EPS8: variants seen among roughly 807,000 people sequenced by gnomAD.
EPS8 encodes the protein EGFR pathway substrate 8, signaling adaptor.
Under a neutral mutation model 103.8 loss-of-function variants are expected in EPS8, and 42 were observed. That is an observed-to-expected ratio of 0.40 (90% CI 0.32 to 0.52). The LOEUF (loss-of-function observed/expected upper bound fraction) is 0.52, where lower values mean the gene tolerates loss of function less well. EPS8 is among the 20% of genes least tolerant of loss of function. EPS8 has a pLI of 0.40. For missense variants in EPS8, 969 were observed against 1,005.1 expected (o/e 0.96, Z 0.49); for synonymous variants, 344 against 344.6 (o/e 1.00, Z 0.02).
chr12:15,768,812 A>G (rs1175013875), intron 1 of EPS8, among the ~76,000 whole-genome samples: 3 of 152,206 alleles, frequency 2.0e-5, no homozygotes, highest in South Asian at 4.1e-4. Context: ...ACATGATACA[A>G]TACTAAGAAA....
At chr12:15,664,700 C>T (rs1334693504) in intron 8 of EPS8, among the ~76,000 whole-genome samples, 1 of 152,000 alleles carries the variant, frequency 6.6e-6, no homozygotes, top group Admixed American at 6.6e-5. Flanking sequence ...TGCCAGATAC[C>T]CTGTGTGAAT....
chr12:15,686,523 C>A (rs1001331013), intron 1 of EPS8, among the ~76,000 whole-genome samples: 4 of 151,886 alleles, frequency 2.6e-5, no homozygotes, highest in Admixed American at 6.6e-5. Flanking sequence ...AAATAAAATT[C>A]TTTGGCAATT....
At position 15,691,099 on chromosome 12, in the gene EPS8, A is replaced by G. The variant is rs1255971259; in HGVS notation, c.-21-8127T>C. ...TTCCTTGAAGCTTCACTGCTTATAA[A>G]GAAATTTTAGGGGAAAGAAAAAGCA... On this transcript the variant is annotated intron_variant, in intron 1 of 20. Transcript: ENST00000281172. Among the ~76,000 whole-genome samples the G allele has an allele frequency of 2.0e-5, 3 of 151,944 alleles. No individual in the cohort carries two copies. The East Asian group carries it at 5.8e-4, about 29-fold the overall frequency.
rs147047023 is a variant in EPS8 at position 15,733,064 on chromosome 12, C to T, written c.-21-50092G>A. The stretch of plus-strand genomic sequence containing the variant: ...GATGATTTTACTAGCAGCTGACCAG[C>T]ATTCCTCTCCCAAAACAGATACTGG... On this transcript the variant is annotated intron_variant, in intron 1 of 20. Transcript: ENST00000281172. The surrounding 1 kb of genome is among the most constrained non-coding windows in gnomAD (Gnocchi z 4.8). Among the ~76,000 whole-genome samples the T allele has an allele frequency of 1.3e-5, 2 of 152,300 alleles. No individual in the cohort carries two copies. The highest frequency in any genetic ancestry group is 4.8e-5 in the African/African-American group (2 of 41,556).
Position 15,647,253 on chromosome 12 carries a change from C to T in EPS8, c.1442G>A (p.Ser481Asn). 3 of 1,611,500 alleles carry T rather than the reference C, an allele frequency of 1.9e-6. No homozygotes were observed. The highest frequency in any genetic ancestry group is 1.1e-5 in the South Asian group (1 of 90,576). ...EIKRLSTEHS[S>N]VSEYHPADGY... ...ATCGGCTGGATGATACTCTGATACA[C>T]TGGAATGCTGAAAGACAAAGTGGGG... Residue 481 changes from serine (S) to asparagine (N), a missense_variant, in exon 15 of 21, where the codon AGT (serine) becomes AAT (asparagine). By Grantham distance (46) the Ser-to-Asn change is conservative (BLOSUM62 1). Coordinates refer to ENST00000281172, the MANE Select transcript of EPS8 (RefSeq NM_004447.6).
At position 15,716,335 on chromosome 12, in the gene EPS8, T is replaced by C. The variant is rs1404541005; in HGVS notation, c.-21-33363A>G. Among the ~76,000 whole-genome samples, 1 of 152,194 alleles carries C rather than the reference T, an allele frequency of 6.6e-6. No individual in the cohort carries two copies. The highest frequency in any genetic ancestry group is 2.4e-5 in the African/African-American group (1 of 41,454). ...CTCCTGAATTATCTATCAGTAAAGA[T>C]GATAATGAAGTCTTATGAAAGGCTA... On this transcript the variant is annotated intron_variant, in intron 1 of 20. Coordinates refer to ENST00000281172, the MANE Select transcript of EPS8 (RefSeq NM_004447.6). The surrounding 1 kb of genome is among the most constrained non-coding windows in gnomAD (Gnocchi z 5.0).
chr12:15,721,188 C>T lies in EPS8; in HGVS notation c.-21-38216G>A, dbSNP rs1946590913. ...AGAGTGAAAAGAAAGCAAGAAAATA[C>T]TATAACACAAATACCACAACAGAGT... On this transcript the variant is annotated intron_variant, in intron 1 of 20. Coordinates refer to ENST00000281172, the MANE Select transcript of EPS8 (RefSeq NM_004447.6). This position sits in a 1 kb window ranked among gnomAD's most constrained non-coding sequence, Gnocchi z 4.4. Among the ~76,000 whole-genome samples, 1 of 152,162 alleles carries T rather than the reference C, an allele frequency of 6.6e-6. No individual in the cohort carries two copies. The highest frequency in any genetic ancestry group is 2.4e-5 in the African/African-American group (1 of 41,428).
chr12:15,754,427 GA>G (rs1946964490), intron 1 of EPS8, among the ~76,000 whole-genome samples: 2 of 152,010 alleles, frequency 1.3e-5, no homozygotes, highest in South Asian at 4.2e-4. Flanking sequence ...AATACAGGGG[GA>G]AAAACAAGAA....
intron 8 of EPS8, among the ~76,000 whole-genome samples, chr12:15,663,032 C>G (rs1031950343): frequency 6.6e-6 from 1 of 150,706 alleles, no homozygotes; most frequent in East Asian, 1.9e-4. Flanking sequence ...AAGAAATCAT[C>G]GTGTCTTATG....
At chr12:15,640,607 C>T in intron 17 of EPS8, 96 bp downstream of exon 17, 1 of 1,120,562 alleles carries the variant, frequency 8.9e-7, no homozygotes, top group South Asian at 1.9e-5. Flanking sequence ...AACTACATCT[C>T]AAAATGATCA....
At chr12:15,765,374 A>G (rs1413877045) in intron 1 of EPS8, among the ~76,000 whole-genome samples, 1 of 152,188 alleles carries the variant, frequency 6.6e-6, no homozygotes, top group Non-Finnish European at 1.5e-5. Flanking sequence ...ACCCATATCA[A>G]CTGGTGACTT....
chr12:15,653,278 C>T (rs1945446363), intron 13 of EPS8, among the ~76,000 whole-genome samples: 1 of 152,190 alleles, frequency 6.6e-6, no homozygotes. Context: ...CTTTCTAAAA[C>T]ATAGATGTAA....
rs1434478748 is a variant in EPS8 at position 15,764,529 on chromosome 12, C to A, written c.-22+24632G>T. ...TTATGTAAACTGTAAAACCAACAGGCCTTTGAAGAACTTTTCTCTCTCTAA... is the reference window on the plus strand; with the variant it reads ...TTATGTAAACTGTAAAACCAACAGGACTTTGAAGAACTTTTCTCTCTCTAA... On this transcript the variant is annotated intron_variant, in intron 1 of 20. Transcript: ENST00000281172. The surrounding 1 kb of genome is among the most constrained non-coding windows in gnomAD (Gnocchi z 4.1). Among the ~76,000 whole-genome samples the A allele has an allele frequency of 6.6e-6, 1 of 152,160 alleles. No individual in the cohort carries two copies. The highest frequency in any genetic ancestry group is 1.5e-5 in the Non-Finnish European group (1 of 68,026).
intron 7 of EPS8, 59 bp from the exon 8 acceptor site, chr12:15,665,951 TAACTC>T (rs1945702119): frequency 7.2e-6 from 11 of 1,527,484 alleles, no homozygotes; most frequent in African/African-American, 1.4e-5. Flanking sequence ...ACATATCAAT[TAACTC>T]AACTTGTGGT....
chr12:15,782,606 A>T (rs1010370347), intron 1 of EPS8, among the ~76,000 whole-genome samples: 1 of 152,190 alleles, frequency 6.6e-6, no homozygotes, highest in African/African-American at 2.4e-5. Flanking sequence ...AATGCATAAT[A>T]TGTATATAAA....
At chr12:15,651,882 A>G (rs1945421231) in intron 13 of EPS8, among the ~76,000 whole-genome samples, 1 of 152,122 alleles carries the variant, frequency 6.6e-6, no homozygotes, top group Non-Finnish European at 1.5e-5. Flanking sequence ...ATCTAAAATG[A>G]CCCTTTCCGT....
chr12:15,630,447 A>G (rs1043043809), intron 18 of EPS8, among the ~76,000 whole-genome samples: 1 of 152,210 alleles, frequency 6.6e-6, no homozygotes, highest in Non-Finnish European at 1.5e-5. Flanking sequence ...AAATATCTAC[A>G]CTGCTATTCA....
chr12:15,689,833 G>C (rs1055951572), intron 1 of EPS8, among the ~76,000 whole-genome samples: 2 of 152,208 alleles, frequency 1.3e-5, no homozygotes, highest in African/African-American at 2.4e-5. Context: ...TGGATTCACG[G>C]AAGTAGAAAG....
In EPS8 at chr12:15,704,371, C is replaced by T. The variant is rs1946355976; in HGVS notation, c.-21-21399G>A. ...GAATAAGTAAAATATCATACATCTA[C>T]ATAAGGGAATTATTTATCCTTTAAA... On this transcript the variant is annotated intron_variant, in intron 1 of 20. Coordinates refer to ENST00000281172, the MANE Select transcript of EPS8 (RefSeq NM_004447.6). This position sits in a 1 kb window ranked among gnomAD's most constrained non-coding sequence, Gnocchi z 4.6. Among the ~76,000 whole-genome samples the T allele has an allele frequency of 6.6e-6, 1 of 152,166 alleles. No individual in the cohort carries two copies.
Sources: allele counts gnomAD v4.1 joint callset (sites outside exome capture counted in the v4.1 genomes callset), GRCh38; gene constraint gnomAD v4.1.1; non-coding constraint Gnocchi (gnomAD v3.1); transcripts MANE v1.5; gene names NCBI Gene and HGNC (gene_info 2026-07-23, HGNC 2026-07-21).